CD109: variants seen among roughly 807,000 people sequenced by gnomAD.
CD109 encodes the protein CD109 molecule.
Under a neutral mutation model 165.8 loss-of-function variants are expected in CD109, and 149 were observed. The ratio of observed to expected loss-of-function variants is 0.90; its 90% CI spans 0.79 to 1.03. The LOEUF (loss-of-function observed/expected upper bound fraction) is 1.03, where lower values mean the gene tolerates loss of function less well. CD109 is among the 50% of genes least tolerant of loss of function. The pLI is 0.00. For missense variants in CD109, 1,712 were observed against 1,677.8 expected, an observed-to-expected ratio of 1.02 and a Z score of -0.36; for synonymous variants, 585 against 592.1, an observed-to-expected ratio of 0.99 and a Z score of 0.18.
At chr6:73,820,605 C>A (rs199643507) in intron 32 of CD109, 42 bp downstream of exon 32, 60 of 1,168,956 alleles carry the variant, frequency 5.1e-5, no homozygotes, top group Non-Finnish European at 3.6e-5. Context: ...GAAATTAAGC[C>A]AGGCATTCAT....
At position 73,730,549 on chromosome 6, in the gene CD109, A is replaced by C. The variant is rs61730425; in HGVS notation, c.482A>C (p.Lys161Thr). ...CTCTTCTCAGATTTTAAGCCTTACA[A>C]AACCTCTTTAAACATTCTCATTAAG... ...VTLFSDFKPY[K>T]TSLNILIKDP... Residue 161 changes from lysine to threonine, a missense_variant, in exon 4 of 33, where the codon AAA (lysine) becomes ACA (threonine). Physicochemically the swap from Lys to Thr is moderately conservative, Grantham distance 78 (BLOSUM62 -1). Transcript: ENST00000287097. The C allele has an allele frequency of 1.3e-3, 2,113 of 1,611,800 alleles. 22 individuals are homozygous for C. In the African/African-American group the frequency reaches 0.024, roughly 18 times the overall value.
intron 29 of CD109, among the ~76,000 whole-genome samples, chr6:73,813,854 C>T (rs529226978): frequency 1.7e-4 from 26 of 152,100 alleles, no homozygotes; most frequent in African/African-American, 5.1e-4. Flanking sequence ...GCATTGGTCT[C>T]TAAAGGGACA....
rs777110444 is a variant in CD109, at chr6:73,810,057, A to G, written c.3429A>G (p.Glu1143=). 30 of 1,607,810 alleles carry G rather than the reference A, an allele frequency of 1.9e-5. No individual in the cohort carries two copies. The highest frequency in any genetic ancestry group is 2.4e-5 in the Non-Finnish European group (28 of 1,178,068). ...GGCAGCCACGCTCCCTGGATATTGA[A>G]GTTGCAGCCTATGCACTGCTCTCAC... The part of the protein sequence containing the change: ...DSWQPRSLDI[E]VAAYALLSHF... The change falls in exon 27 of 33, where the codon GAA becomes GAG. Residue 1143 remains glutamate (E), a synonymous_variant. Transcript: ENST00000287097.
rs1179449905 is a variant in CD109, at chr6:73,759,153, A to AT, written c.758+126dup. 6.3e-6 allele frequency: 4 copies of AT among 634,024 alleles called. No homozygotes were observed. The African/African-American group carries it at 7.4e-5, about 12-fold the overall frequency. The allele number at this position is 634,024 out of a possible 1,614,324, so 39.3% of individuals were successfully genotyped here. A position where few individuals can be genotyped will look rare whatever the true frequency, so the allele number is the denominator to read the frequency against. On this transcript the variant is annotated intron_variant, in intron 7 of 32. Transcript: ENST00000287097. Reference sequence around the variant, plus strand: ...ATTAAAATACCTTAGTGGACAGTAAATGACTATTTATAATAAATAATTAAG... The same window carrying AT: ...ATTAAAATACCTTAGTGGACAGTAAATTGACTATTTATAATAAATAATTAAG...
At chr6:73,681,892 C>T in the CD109 span, among the ~76,000 whole-genome samples, 13 of 152,154 alleles carry the variant, frequency 8.5e-5, no homozygotes, top group East Asian at 1.9e-4. Context: ...TCTGAGCCAC[C>T]GCACCTGGCT....
chr6:73,788,713 AAG>A, intron 22 of CD109, 101 bp downstream of exon 22: 1 of 982,278 alleles, frequency 1.0e-6, no homozygotes, highest in Non-Finnish European at 1.4e-6. Flanking sequence ...TCCTAATAAG[AAG>A]AGATGGCAAA....
intron 30 of CD109, among the ~76,000 whole-genome samples, chr6:73,816,339 A>G (rs1775936126): frequency 1.3e-5 from 2 of 152,238 alleles, no homozygotes; most frequent in Non-Finnish European, 2.9e-5. Flanking sequence ...TACTATTATT[A>G]TAAACAATAA....
At chr6:73,710,307 CAGAG>C in intron 2 of CD109, among the ~76,000 whole-genome samples, 1 of 152,128 alleles carries the variant, frequency 6.6e-6, no homozygotes, top group Non-Finnish European at 1.5e-5. Flanking sequence ...AACAGACAAA[CAGAG>C]AGCCAAATCA....
At chr6:73,768,771 C>A (rs942480971) in intron 14 of CD109, among the ~76,000 whole-genome samples, 14 of 152,166 alleles carry the variant, frequency 9.2e-5, no homozygotes, top group Admixed American at 1.3e-4. Flanking sequence ...CCTAATGTGA[C>A]CAGCTTGAGT....
chr6:73,802,695 CTT>C (rs572988991), intron 23 of CD109, among the ~76,000 whole-genome samples: 146 of 127,890 alleles, frequency 1.1e-3, no homozygotes, highest in African/African-American at 3.1e-3. Context: ...ATATCACAGG[CTT>C]TTTTTTTTTT....
Position 73,825,950 on chromosome 6 carries a change from C to T in CD109, c.*2317C>T, listed in dbSNP as rs1270911097. The T allele has an allele frequency of 6.6e-6, 1 of 152,192 alleles. No homozygotes were observed. The highest frequency in any genetic ancestry group is 2.4e-5 in the African/African-American group (1 of 41,436). 9.4% of individuals were successfully genotyped at this position (152,192 alleles called of 1,614,324 possible). A position where few individuals can be genotyped will look rare whatever the true frequency, so the allele number is the denominator to read the frequency against. On this transcript the variant is annotated 3_prime_UTR_variant, in exon 33 of 33. Transcript: ENST00000287097. ...CCGAGATCACGCCACTGCACTCCAG[C>T]CTGGGGGACAGAGTGAGATTCTGTC... is the stretch of plus-strand genomic sequence containing the variant.
chr6:73,795,118 A>G (rs1775109201), intron 23 of CD109, among the ~76,000 whole-genome samples: 1 of 150,230 alleles, frequency 6.7e-6, no homozygotes, highest in Non-Finnish European at 1.5e-5. Flanking sequence ...TGTATTCAAG[A>G]TTTAGTTTTT....
At chr6:73,693,532 A>G (rs1562013638), upstream of CD109, among the ~76,000 whole-genome samples, 2 of 152,166 alleles carry the variant, frequency 1.3e-5, no homozygotes, top group African/African-American at 4.8e-5. Context: ...CCAATATCTT[A>G]TTGTTACATG....
intron 10 of CD109, among the ~76,000 whole-genome samples, chr6:73,765,318 G>A (rs1773792636): frequency 6.6e-6 from 1 of 150,962 alleles, no homozygotes; most frequent in African/African-American, 2.4e-5. Flanking sequence ...GAAGAGAGAA[G>A]CATAGGACTT....
chr6:73,760,394 G>A (rs1194617938), intron 7 of CD109, among the ~76,000 whole-genome samples: 4 of 129,280 alleles, frequency 3.1e-5, no homozygotes, highest in Admixed American at 8.4e-5. Flanking sequence ...GCTAAAGAGC[G>A]GGACCCCGTC....
chr6:73,727,129 C>T (rs1181155443), intron 3 of CD109, among the ~76,000 whole-genome samples: 1 of 152,178 alleles, frequency 6.6e-6, no homozygotes, highest in Non-Finnish European at 1.5e-5. Flanking sequence ...TTATAACCCA[C>T]TCCAGATCTG....
intron 27 of CD109, 34 bp from the exon 28 acceptor site, chr6:73,810,958 C>G (rs1193219378): frequency 1.3e-6 from 2 of 1,594,036 alleles, no homozygotes; most frequent in East Asian, 4.5e-5. Flanking sequence ...TTGATATATA[C>G]TTATATGTAC....
chr6:73,806,789 A>C, intron 24 of CD109, 55 bp from the exon 25 acceptor site: 1 of 1,298,350 alleles, frequency 7.7e-7, no homozygotes, highest in Non-Finnish European at 1.1e-6. Context: ...GCTCGGTGTT[A>C]TTTGGTGGAC....
In CD109 at chr6:73,810,992, G is replaced by T. The variant is rs1192564339; in HGVS notation, c.3547G>T (p.Asp1183Tyr). Residue 1183 changes from aspartate to tyrosine, a missense_variant and splice_region_variant, in exon 28 of 33, where the codon GAT becomes TAT. Transcript: ENST00000287097. ...ACAAATGTTTTTCTTCCCTCAACAGGATACCACTGTGGCTTTAAAGGCTCT... is the reference window on the plus strand; with the variant it reads ...ACAAATGTTTTTCTTCCCTCAACAGTATACCACTGTGGCTTTAAAGGCTCT... Reference protein sequence around the residue: ...NSLGGFASTQDTTVALKALSE... With the variant: ...NSLGGFASTQYTTVALKALSE... 6.2e-7 allele frequency: 1 copy of T among 1,612,288 alleles called. No individual in the cohort carries two copies. The highest frequency in any genetic ancestry group is 2.2e-5 in the East Asian group (1 of 44,858).
Sources: allele counts gnomAD v4.1 joint callset (sites outside exome capture counted in the v4.1 genomes callset), GRCh38; gene constraint gnomAD v4.1.1; transcripts MANE v1.5; gene names NCBI Gene and HGNC (gene_info 2026-07-23, HGNC 2026-07-21).